FGGY: variants seen among roughly 807,000 people sequenced by gnomAD.
FGGY encodes FGGY carbohydrate kinase domain-containing protein.
Under a neutral mutation model 71.3 loss-of-function variants are expected in FGGY, and 72 were observed. The ratio of observed to expected loss-of-function variants is 1.01; its 90% CI spans 0.84 to 1.23. The LOEUF is 1.23. FGGY is among the 50% of genes most tolerant of loss of function. The probability of loss-of-function intolerance (pLI) is 0.00; values close to 1 mark genes in which losing one functional copy is unlikely to be tolerated. For missense variants in FGGY, 668 were observed against 682.3 expected (o/e 0.98, Z 0.23); for synonymous variants, 251 against 250.3 (o/e 1.00, Z -0.02).
intron 6 of FGGY, among the ~76,000 whole-genome samples, chr1:59,508,582 T>A (rs1570410247): frequency 6.6e-6 from 1 of 152,314 alleles, no homozygotes; most frequent in South Asian, 2.1e-4. Context: ...CTCTGGCTGA[T>A]AAACTTAGAG....
At chr1:59,392,955 T>C (rs2060875527) in intron 5 of FGGY, among the ~76,000 whole-genome samples, 1 of 152,220 alleles carries the variant, frequency 6.6e-6, no homozygotes, top group Non-Finnish European at 1.5e-5. Flanking sequence ...GCTCTCATTA[T>C]TGCCCAGATA....
chr1:59,601,111 C>T (rs1389039609), intron 8 of FGGY, among the ~76,000 whole-genome samples: 3 of 151,780 alleles, frequency 2.0e-5, no homozygotes, highest in Non-Finnish European at 2.9e-5. Flanking sequence ...TGGAAATACC[C>T]GGTCCCACAC....
At chr1:59,304,887 G>A (rs536214436) in intron 1 of FGGY, among the ~76,000 whole-genome samples, 11 of 151,978 alleles carry the variant, frequency 7.2e-5, no homozygotes, top group Admixed American at 4.6e-4. Context: ...ATAGAAATGC[G>A]GCTGCTTTTT....
At chr1:59,669,381 C>T (rs182085522) in intron 13 of FGGY, among the ~76,000 whole-genome samples, 2 of 151,980 alleles carry the variant, frequency 1.3e-5, no homozygotes, top group African/African-American at 4.8e-5. Context: ...TAGAAGTGGG[C>T]CGTTCAAAGC....
At chr1:59,670,048 A>G (rs942424887) in intron 13 of FGGY, among the ~76,000 whole-genome samples, 13 of 152,216 alleles carry the variant, frequency 8.5e-5, no homozygotes, top group South Asian at 4.1e-4. Flanking sequence ...GTCTCTAACT[A>G]TGGACCAGTT....
intron 2 of FGGY, among the ~76,000 whole-genome samples, chr1:59,323,891 A>G (rs76124687): frequency 0.024 from 3,629 of 152,288 alleles, 57 homozygotes; most frequent in Middle Eastern, 0.041. Context: ...AAGACAAAAT[A>G]CTGAAAAGTC....
intron 11 of FGGY, among the ~76,000 whole-genome samples, chr1:59,657,259 A>C (rs777999120): frequency 6.6e-6 from 1 of 152,194 alleles, no homozygotes; most frequent in Non-Finnish European, 1.5e-5. Context: ...AAATCATCCA[A>C]ATCTGGTCTT....
chr1:59,341,637 T>C (rs1214504722), intron 3 of FGGY, among the ~76,000 whole-genome samples: 2 of 152,194 alleles, frequency 1.3e-5, no homozygotes, highest in African/African-American at 4.8e-5. Context: ...TGGCTGTTCA[T>C]TGGCTCAGTT....
intron 7 of FGGY, among the ~76,000 whole-genome samples, chr1:59,543,934 C>T (rs1429800454): frequency 1.3e-5 from 2 of 152,162 alleles, no homozygotes; most frequent in Non-Finnish European, 2.9e-5. Flanking sequence ...CCTGCTTTCT[C>T]CCAAGAGAAA....
intron 12 of FGGY, among the ~76,000 whole-genome samples, chr1:59,664,228 T>C (rs2097303253): frequency 6.6e-6 from 1 of 152,248 alleles, no homozygotes; most frequent in Admixed American, 6.5e-5. Context: ...AAACATTTTT[T>C]CCAGAAAGGT....
At chr1:59,601,151 A>G (rs967826641) in intron 8 of FGGY, among the ~76,000 whole-genome samples, 2 of 151,954 alleles carry the variant, frequency 1.3e-5, no homozygotes, top group Admixed American at 6.5e-5. Context: ...AAAATTCCCA[A>G]CCTGGCCGGA....
chr1:59,340,078 A>G lies in FGGY; in HGVS notation c.313+9A>G, dbSNP rs913013470. ...ACCAGTCAACCAGGAAGGTAAGACC[A>G]TGTCTCTTCCTTTTCCCAGTGGTGG... On this transcript the variant is annotated intron_variant, in intron 3 of 15. Transcript: ENST00000303721. The G allele has an allele frequency of 5.7e-6, 9 of 1,586,378 alleles. No homozygotes were observed. Among genetic ancestry groups the G allele is most frequent in the African/African-American group, 5.4e-5 (4 of 74,410 alleles).
chr1:59,673,929 G>A, intron 13 of FGGY, 110 bp from the exon 14 acceptor site: 1 of 787,644 alleles, frequency 1.3e-6, no homozygotes, highest in South Asian at 1.6e-5. Flanking sequence ...TCGGGCGGGG[G>A]GCCTGCTGCT....
At chr1:59,632,542 A>G (rs1396422691) in intron 10 of FGGY, among the ~76,000 whole-genome samples, 1 of 152,240 alleles carries the variant, frequency 6.6e-6, no homozygotes, top group Admixed American at 6.5e-5. Flanking sequence ...GATAGATTAA[A>G]ACTTCCCATT....
At chr1:59,583,684 TG>T (rs1170543507) in intron 8 of FGGY, among the ~76,000 whole-genome samples, 1 of 142,382 alleles carries the variant, frequency 7.0e-6, no homozygotes, top group Non-Finnish European at 1.5e-5. Context: ...ACACCCCTCC[TG>T]GGTATTGGTG....
At chr1:59,528,797 C>T (rs941591021) in intron 7 of FGGY, among the ~76,000 whole-genome samples, 11 of 152,302 alleles carry the variant, frequency 7.2e-5, no homozygotes, top group South Asian at 2.1e-4. Context: ...GAAAAACCCA[C>T]GCAATTGGAT....
chr1:59,588,213 A>G (rs1483473910), intron 8 of FGGY, among the ~76,000 whole-genome samples: 1 of 152,208 alleles, frequency 6.6e-6, no homozygotes, highest in Non-Finnish European at 1.5e-5. Flanking sequence ...GATGAAGCGA[A>G]TGAAATGAAG....
Position 59,456,977 on chromosome 1 carries a change from G to C in FGGY, c.571G>C (p.Val191Leu), listed in dbSNP as rs72913795. The C allele has an allele frequency of 5.0e-6, 8 of 1,613,396 alleles. No individual in the cohort carries two copies. Among genetic ancestry groups the C allele is most frequent in the Non-Finnish European group, 6.8e-6 (8 of 1,179,400 alleles). The change falls in exon 6 of 16, where the codon GTG becomes CTG. Residue 191 changes from valine to leucine, a missense_variant. This residue lies in a region of FGGY where 661 missense variants were observed against 661.6 expected (regional missense o/e 1.00). Coordinates refer to ENST00000303721, the MANE Select transcript of FGGY (RefSeq NM_018291.5). ...GVTARSLCSL[V>L]CKWTYSAEKG... Reference sequence around the variant, plus strand: ...TTTTCTTAGGTCTCTCTGCTCCCTGGTGTGTAAGTGGACATATTCAGCAGA... The same window carrying C: ...TTTTCTTAGGTCTCTCTGCTCCCTGCTGTGTAAGTGGACATATTCAGCAGA...
intron 6 of FGGY, among the ~76,000 whole-genome samples, chr1:59,488,528 T>A (rs1340133796): frequency 6.7e-6 from 1 of 148,244 alleles, no homozygotes; most frequent in African/African-American, 2.4e-5. Flanking sequence ...ATATTATATA[T>A]AAATATGTAT....
Sources: gnomAD v4.1 joint callset for allele counts (sites outside exome capture counted in the v4.1 genomes callset) on GRCh38, gnomAD v4.1.1 for gene constraint, gnomAD v4.1.1 regional missense constraint, MANE v1.5 for transcripts, NCBI Gene and HGNC (gene_info 2026-07-23, HGNC 2026-07-21) for gene names.